TRPM3: variants seen among roughly 807,000 people sequenced by gnomAD.
The protein encoded by TRPM3 is long transient receptor potential channel 3.
Under a neutral mutation model 181.2 loss-of-function variants are expected in TRPM3, and 77 were observed. That is an observed-to-expected ratio of 0.42 (90% CI 0.35 to 0.51). TRPM3 has a LOEUF of 0.51. Ranked by LOEUF, TRPM3 falls within the 20% of genes least tolerant of loss-of-function variation. TRPM3 has a pLI of 0.01. For synonymous variants in TRPM3, 745 were observed against 796.4 expected, an observed-to-expected ratio of 0.94 and a Z score of 1.09; for missense variants, 1,759 against 2,196.7, an observed-to-expected ratio of 0.80 and a Z score of 3.98.
At chr9:71,170,196 G>C (rs1245204753) in intron 1 of TRPM3, among the ~76,000 whole-genome samples, 1 of 150,708 alleles carries the variant, frequency 6.6e-6, no homozygotes, top group Non-Finnish European at 1.5e-5. Flanking sequence ...AATGACTCAG[G>C]GGGAGAAAGT....
chr9:70,596,887 C>T (rs934475164), intron 21 of TRPM3, among the ~76,000 whole-genome samples: 3 of 152,114 alleles, frequency 2.0e-5, no homozygotes, highest in African/African-American at 7.2e-5. Context: ...CTCAGGCTCC[C>T]AGATAGCTGG....
intron 9 of TRPM3, among the ~76,000 whole-genome samples, chr9:70,677,322 C>T (rs750526821): frequency 6.6e-6 from 1 of 152,246 alleles, no homozygotes; most frequent in Non-Finnish European, 1.5e-5. Flanking sequence ...ATAAATATGA[C>T]TGCAAAACTG....
Position 71,247,722 on chromosome 9 carries a change from G to A in TRPM3, c.183+198931C>T, listed in dbSNP as rs541097131. Among the ~76,000 whole-genome samples the A allele has an allele frequency of 3.9e-5, 6 of 152,212 alleles. 1 individual carries two copies. The East Asian group carries it at 9.7e-4, about 25-fold the overall frequency. ...AGCTCAGGGCAAGGGAAGAGCTCCC[G>A]TGGGCAATGGGATACTGGAATACCA... is the stretch of plus-strand genomic sequence containing the variant. On this transcript the variant is annotated intron_variant, in intron 1 of 24. Transcript: ENST00000357533.
chr9:71,402,749 A>T (rs2093364969), intron 1 of TRPM3, among the ~76,000 whole-genome samples: 1 of 152,198 alleles, frequency 6.6e-6, no homozygotes, highest in African/African-American at 2.4e-5. Flanking sequence ...ATTTTGTGTT[A>T]TCTGTGAGAC....
chr9:71,117,839 T>C (rs775239742), intron 1 of TRPM3, among the ~76,000 whole-genome samples: 14 of 152,176 alleles, frequency 9.2e-5, no homozygotes, highest in Non-Finnish European at 1.6e-4. Context: ...AAATACAGTG[T>C]CCCCTTCTCC....
intron 1 of TRPM3, among the ~76,000 whole-genome samples, chr9:70,875,846 T>G (rs1484839793): frequency 6.6e-6 from 1 of 151,922 alleles, no homozygotes. Flanking sequence ...TCCAGCAATA[T>G]AAGTGTAAGG....
intron 1 of TRPM3, among the ~76,000 whole-genome samples, chr9:71,155,886 G>T (rs1012964418): frequency 6.6e-6 from 1 of 152,080 alleles, no homozygotes; most frequent in Non-Finnish European, 1.5e-5. Context: ...CTTAGGAATG[G>T]AAACCTGAAT....
chr9:71,424,752 T>C (rs1434884893), intron 1 of TRPM3, among the ~76,000 whole-genome samples: 1 of 152,134 alleles, frequency 6.6e-6, no homozygotes, highest in Non-Finnish European at 1.5e-5. Flanking sequence ...CTGGTATTTT[T>C]CATATTAATA....
intron 9 of TRPM3, among the ~76,000 whole-genome samples, chr9:70,660,146 C>T (rs1000477600): frequency 6.6e-6 from 1 of 152,076 alleles, no homozygotes; most frequent in Non-Finnish European, 1.5e-5. Context: ...AAAATGCTTT[C>T]TCCAAAAGAT....
chr9:70,568,397 A>C (rs2051233811), intron 22 of TRPM3, among the ~76,000 whole-genome samples: 1 of 152,230 alleles, frequency 6.6e-6, no homozygotes, highest in South Asian at 2.1e-4. Context: ...TGTTACAACA[A>C]ACATTTTAAA....
intron 1 of TRPM3, among the ~76,000 whole-genome samples, chr9:71,137,691 T>G (rs1430177332): frequency 1.3e-5 from 2 of 152,170 alleles, no homozygotes. Context: ...ACCAAAGGAG[T>G]AACATGCAAG....
chr9:70,812,407 G>A (rs938146450), intron 6 of TRPM3, among the ~76,000 whole-genome samples: 8 of 152,140 alleles, frequency 5.3e-5, no homozygotes, highest in South Asian at 2.1e-4. Context: ...TACTCACTGG[G>A]GAAAATGCAA....
intron 1 of TRPM3, among the ~76,000 whole-genome samples, chr9:70,996,417 C>T (rs1384302748): frequency 6.6e-6 from 1 of 152,160 alleles, no homozygotes; most frequent in Non-Finnish European, 1.5e-5. Flanking sequence ...CCATCTCTGT[C>T]CACTGCTAGC....
intron 1 of TRPM3, among the ~76,000 whole-genome samples, chr9:71,285,688 G>C (rs1010837151): frequency 6.6e-6 from 1 of 152,110 alleles, no homozygotes; most frequent in Non-Finnish European, 1.5e-5. Context: ...ATCATACAAG[G>C]CTTTCTTGGC....
At chr9:71,439,544 T>C (rs1402811997) in intron 1 of TRPM3, among the ~76,000 whole-genome samples, 1 of 152,194 alleles carries the variant, frequency 6.6e-6, no homozygotes, top group Non-Finnish European at 1.5e-5. Flanking sequence ...TCTGTCTAAT[T>C]TGAATGTTAA....
chr9:70,888,058 T>A (rs77212703), intron 1 of TRPM3, among the ~76,000 whole-genome samples: 2,258 of 152,284 alleles, frequency 0.015, 53 homozygotes, highest in African/African-American at 0.051. Flanking sequence ...CACGGATATC[T>A]TCAAAGCTCT....
chr9:70,914,793 A>G (rs1319639119), intron 1 of TRPM3, among the ~76,000 whole-genome samples: 1 of 152,208 alleles, frequency 6.6e-6, no homozygotes, highest in Admixed American at 6.5e-5. Flanking sequence ...GAAGAGAACA[A>G]GTGTCTCTGC....
At chr9:71,087,526 G>A (rs2065476087) in intron 1 of TRPM3, among the ~76,000 whole-genome samples, 1 of 151,944 alleles carries the variant, frequency 6.6e-6, no homozygotes, top group Non-Finnish European at 1.5e-5. Context: ...ACTCATGGAG[G>A]GAAGATTCTA....
chr9:70,780,080 A>G (rs2082166626), intron 7 of TRPM3, among the ~76,000 whole-genome samples: 1 of 152,172 alleles, frequency 6.6e-6, no homozygotes, highest in South Asian at 2.1e-4. Flanking sequence ...AGTTTTGTCA[A>G]TTACAAATTA....
Sources: allele counts gnomAD v4.1 joint callset (sites outside exome capture counted in the v4.1 genomes callset), GRCh38; gene constraint gnomAD v4.1.1; transcripts MANE v1.5; gene names NCBI Gene and HGNC (gene_info 2026-07-23, HGNC 2026-07-21).